SAMD3: variants seen among roughly 807,000 people sequenced by gnomAD.
SAMD3 encodes the protein sterile alpha motif domain containing 3, also known as sterile alpha motif domain-containing protein 3.
Under a neutral mutation model 58.5 loss-of-function variants are expected in SAMD3, and 63 were observed. That is an observed-to-expected ratio of 1.08 (90% confidence interval 0.88 to 1.33). SAMD3 has a LOEUF of 1.33. Ranked by LOEUF, SAMD3 falls within the 40% of genes most tolerant of loss-of-function variation. SAMD3 has a pLI of 0.00. For missense variants in SAMD3, 604 were observed against 608.4 expected, an observed-to-expected ratio of 0.99 and a Z score of 0.08; for synonymous variants, 220 against 210.3, an observed-to-expected ratio of 1.05 and a Z score of -0.40.
intron 1 of SAMD3, among the ~76,000 whole-genome samples, chr6:130,320,353 T>A (rs1776544748): frequency 2.0e-5 from 3 of 152,126 alleles, no homozygotes; most frequent in African/African-American, 7.2e-5. Context: ...CACAAAAGAA[T>A]GTCACTATGC....
rs1471740988 is a variant in SAMD3, at chr6:130,222,881, G to A, written c.-255C>T. 3.3e-5 allele frequency: 5 copies of A among 152,156 alleles called. No homozygotes were observed. The highest frequency in any genetic ancestry group is 9.7e-5 in the African/African-American group (4 of 41,436). 9.4% of individuals were successfully genotyped at this position (152,156 alleles called of 1,614,324 possible). The stretch of plus-strand genomic sequence containing the variant: ...TTCTCTTGAAAAATCAAAAGTTCTG[G>A]TGATACTGGGTTCATATTTCTGAAT... On this transcript the variant is annotated 5_prime_UTR_variant, in exon 1 of 12. Transcript: ENST00000439090.
intron 9 of SAMD3, among the ~76,000 whole-genome samples, chr6:130,152,376 C>G (rs1789291563): frequency 6.6e-6 from 1 of 152,030 alleles, no homozygotes; most frequent in South Asian, 2.1e-4. Context: ...ATGATTCGTT[C>G]TTTTGTCTAA....
At chr6:130,258,276 T>G (rs891492398) in intron 2 of SAMD3, among the ~76,000 whole-genome samples, 3 of 152,144 alleles carry the variant, frequency 2.0e-5, no homozygotes, top group African/African-American at 7.2e-5. Context: ...TCCCTGAATA[T>G]TTAAAGTTGG....
chr6:130,344,443 G>A (rs1470685279), intron 1 of SAMD3, among the ~76,000 whole-genome samples: 1 of 152,150 alleles, frequency 6.6e-6, no homozygotes, highest in East Asian at 1.9e-4. Context: ...GTGCAGCGAT[G>A]TGATTTCGGC....
chr6:130,263,040 T>C (rs939196717), intron 2 of SAMD3, among the ~76,000 whole-genome samples: 10 of 152,248 alleles, frequency 6.6e-5, no homozygotes, highest in African/African-American at 2.4e-4. Context: ...TACAAGGTTT[T>C]ATTAAAATTA....
intron 2 of SAMD3, among the ~76,000 whole-genome samples, chr6:130,292,298 C>A (rs1775395977): frequency 1.5e-5 from 2 of 129,440 alleles, no homozygotes; most frequent in Non-Finnish European, 1.5e-5. Context: ...GAGACGGAGT[C>A]TCGCTCTTGT....
At chr6:130,197,907 T>C (rs527630165) in intron 5 of SAMD3, among the ~76,000 whole-genome samples, 403 of 152,280 alleles carry the variant, frequency 2.6e-3, no homozygotes, top group Non-Finnish European at 4.5e-3. Flanking sequence ...CCTTAACTGA[T>C]GACATTCCAC....
intron 1 of SAMD3, among the ~76,000 whole-genome samples, chr6:130,221,945 TCTTCA>T (rs1796242555): frequency 1.3e-5 from 2 of 152,328 alleles, no homozygotes; most frequent in South Asian, 4.1e-4. Flanking sequence ...TTAAATACCA[TCTTCA>T]TTTATTCCAT....
intron 2 of SAMD3, among the ~76,000 whole-genome samples, chr6:130,255,237 T>C (rs1773884591): frequency 6.6e-6 from 1 of 152,324 alleles, no homozygotes; most frequent in African/African-American, 2.4e-5. Context: ...TCGTGAAGAA[T>C]GTTCTGTGTG....
chr6:130,170,602 T>C (rs1309118818), intron 8 of SAMD3, among the ~76,000 whole-genome samples: 1 of 152,208 alleles, frequency 6.6e-6, no homozygotes, highest in East Asian at 1.9e-4. Flanking sequence ...TTCTTTTCCT[T>C]TGTGTCCTGT....
At chr6:130,200,149 T>C (rs1482691745) in intron 5 of SAMD3, among the ~76,000 whole-genome samples, 1 of 152,024 alleles carries the variant, frequency 6.6e-6, no homozygotes, top group Non-Finnish European at 1.5e-5. Context: ...TTCCTCTTGG[T>C]ATTAACAGAA....
chr6:130,278,766 G>T (rs1050645630), intron 2 of SAMD3, among the ~76,000 whole-genome samples: 1 of 152,102 alleles, frequency 6.6e-6, no homozygotes, highest in South Asian at 2.1e-4. Context: ...GCACAATAAG[G>T]AGCTGAGAGG....
At chr6:130,293,255 A>G (rs1175915259) in intron 2 of SAMD3, among the ~76,000 whole-genome samples, 1 of 152,174 alleles carries the variant, frequency 6.6e-6, no homozygotes, top group East Asian at 1.9e-4. Flanking sequence ...AAGGAATGCT[A>G]TGATTGAATG....
At chr6:130,168,106 G>T (rs1270047982) in intron 8 of SAMD3, among the ~76,000 whole-genome samples, 1 of 152,142 alleles carries the variant, frequency 6.6e-6, no homozygotes, top group Non-Finnish European at 1.5e-5. Context: ...GCAGCTGCCT[G>T]GTCTACCTGT....
chr6:130,247,322 T>C (rs1773581586), intron 2 of SAMD3, among the ~76,000 whole-genome samples: 1 of 151,790 alleles, frequency 6.6e-6, no homozygotes, highest in African/African-American at 2.4e-5. Flanking sequence ...ATACAAAACT[T>C]AGCGAAGTAT....
At chr6:130,350,709 T>C (rs576962174) in intron 1 of SAMD3, among the ~76,000 whole-genome samples, 10 of 152,244 alleles carry the variant, frequency 6.6e-5, no homozygotes, top group Non-Finnish European at 1.3e-4. Context: ...CTTCACAGAA[T>C]TGGAAAAACT....
At chr6:130,201,161 A>G (rs1794621434) in intron 5 of SAMD3, among the ~76,000 whole-genome samples, 1 of 152,132 alleles carries the variant, frequency 6.6e-6, no homozygotes, top group African/African-American at 2.4e-5. Flanking sequence ...TAGTGTTTTG[A>G]TGGGTCTTCC....
intron 2 of SAMD3, among the ~76,000 whole-genome samples, chr6:130,260,828 G>A (rs1176854408): frequency 6.6e-6 from 1 of 152,246 alleles, no homozygotes; most frequent in Non-Finnish European, 1.5e-5. Context: ...CGCAGTGGCT[G>A]AACACCGGGA....
At chr6:130,182,081 A>C (rs1437098784) in intron 7 of SAMD3, among the ~76,000 whole-genome samples, 9 of 152,048 alleles carry the variant, frequency 5.9e-5, no homozygotes, top group Non-Finnish European at 8.8e-5. Flanking sequence ...AAAAAAAAAA[A>C]AAAAAACCAC....
Sources: allele counts gnomAD v4.1 joint callset (sites outside exome capture counted in the v4.1 genomes callset), GRCh38; gene constraint gnomAD v4.1.1; transcripts MANE v1.5; gene names NCBI Gene and HGNC (gene_info 2026-07-23, HGNC 2026-07-21).